ZNF676: variants seen among roughly 807,000 people sequenced by gnomAD.
ZNF676 encodes the protein zinc finger protein 676.
ZNF676 carries 4 observed loss-of-function variants against 6.0 expected under a neutral mutation model. The ratio of observed to expected loss-of-function variants is 0.67; its 90% CI spans 0.33 to 1.53. The LOEUF is 1.53. Ranked by LOEUF, ZNF676 falls within the 40% of genes most tolerant of loss-of-function variation. The probability of loss-of-function intolerance (pLI) is 0.06; values close to 1 mark genes in which losing one functional copy is unlikely to be tolerated. For synonymous variants in ZNF676, 198 were observed against 223.1 expected (o/e 0.89, Z 1.00); for missense variants, 644 against 679.7 (o/e 0.95, Z 0.58).
the ZNF676 span, among the ~76,000 whole-genome samples, chr19:22,241,962 A>G: frequency 6.6e-6 from 1 of 151,108 alleles, no homozygotes; most frequent in Admixed American, 6.6e-5. Context: ...ACACAAGATA[A>G]ACAGTCTCGT....
At chr19:22,246,267 A>T in the ZNF676 span, among the ~76,000 whole-genome samples, 5 of 152,126 alleles carry the variant, frequency 3.3e-5, no homozygotes, top group African/African-American at 1.2e-4. Flanking sequence ...ATTTGTCACA[A>T]TACACAATTT....
At chr19:22,201,996 CTGACTT>C (rs1402509643) in intron 1 of ZNF676, among the ~76,000 whole-genome samples, 1 of 152,086 alleles carries the variant, frequency 6.6e-6, no homozygotes, top group African/African-American at 2.4e-5. Context: ...TAATGGCTCT[CTGACTT>C]TGATAACTAA....
intron 1 of ZNF676, among the ~76,000 whole-genome samples, chr19:22,209,051 A>T (rs2144814891): frequency 6.6e-6 from 1 of 152,220 alleles, no homozygotes; most frequent in East Asian, 1.9e-4. Flanking sequence ...GATCACCTGA[A>T]GTCAGGAGTT....
upstream of ZNF676, among the ~76,000 whole-genome samples, chr19:22,220,468 T>TG (rs149805559): frequency 0.37 from 54,952 of 147,804 alleles, 10,367 homozygotes; most frequent in South Asian, 0.42. Flanking sequence ...GCAGTTTTTT[T>TG]TTTTTTTTTT....
In ZNF676 at chr19:22,215,768, G is replaced by A; in HGVS notation, c.-134C>T. On this transcript the variant is annotated 5_prime_UTR_variant, in exon 1 of 4. Coordinates refer to the ZNF676 transcript ENST00000650058. ...ACCTCCGGCTGCAGCGAGAGACAAA[G>A]GACCGACCACATCCCGGAAGCCGAC... 5.2e-6 allele frequency: 6 copies of A among 1,160,050 alleles called. No individual in the cohort carries two copies. In the South Asian group the frequency reaches 5.9e-5, roughly 11 times the overall value. The allele number at this position is 1,160,050 out of a possible 1,614,324, so 71.9% of individuals were successfully genotyped here. A position where few individuals can be genotyped will look rare whatever the true frequency, so the allele number is the denominator to read the frequency against.
upstream of ZNF676, among the ~76,000 whole-genome samples, chr19:22,216,404 C>A (rs555819571): frequency 2.2e-4 from 34 of 152,146 alleles, no homozygotes; most frequent in Admixed American, 1.8e-3. Flanking sequence ...CATTGCACTG[C>A]GGCCTGGGCA....
intron 2 of ZNF676, among the ~76,000 whole-genome samples, chr19:22,183,820 CAT>C (rs1336662260): frequency 6.6e-6 from 1 of 152,114 alleles, no homozygotes; most frequent in Admixed American, 6.5e-5. Flanking sequence ...GTCAAAGACT[CAT>C]ATTTTATAAA....
At chr19:22,200,001 T>A (rs2024007962), upstream of ZNF676, among the ~76,000 whole-genome samples, 1 of 152,018 alleles carries the variant, frequency 6.6e-6, no homozygotes, top group Admixed American at 6.6e-5. Flanking sequence ...GAGGCAAGAC[T>A]CCAGGGTAGG....
At chr19:22,240,067 T>C in the ZNF676 span, among the ~76,000 whole-genome samples, 2 of 152,208 alleles carry the variant, frequency 1.3e-5, no homozygotes, top group African/African-American at 2.4e-5. Context: ...GGGCAGGGCC[T>C]AGGCATGAGA....
the ZNF676 span, among the ~76,000 whole-genome samples, chr19:22,226,457 G>A: frequency 3.3e-5 from 5 of 151,948 alleles, no homozygotes; most frequent in South Asian, 2.1e-4. Flanking sequence ...TAGAAATTAC[G>A]TCAAATTTGT....
intron 2 of ZNF676, among the ~76,000 whole-genome samples, chr19:22,183,088 G>A (rs1389593523): frequency 6.6e-6 from 1 of 151,738 alleles, no homozygotes; most frequent in Non-Finnish European, 1.5e-5. Context: ...TATTTTTAGA[G>A]GTTTTATGTA....
At chr19:22,185,885 A>G (rs564874717) in intron 2 of ZNF676, among the ~76,000 whole-genome samples, 1 of 152,190 alleles carries the variant, frequency 6.6e-6, no homozygotes, top group African/African-American at 2.4e-5. Flanking sequence ...GGACTATGAA[A>G]GGACCAAATC....
At chr19:22,236,650 C>A in the ZNF676 span, among the ~76,000 whole-genome samples, 4 of 152,172 alleles carry the variant, frequency 2.6e-5, no homozygotes, top group African/African-American at 9.7e-5. Flanking sequence ...TGTAAACTGG[C>A]TCAAGTCTGG....
the ZNF676 span, chr19:22,245,199 C>T: frequency 6.6e-6 from 1 of 152,166 alleles, no homozygotes. Flanking sequence ...ACAGATGTGT[C>T]ACTATTTTCC....
chr19:22,255,318 C>T, the ZNF676 span, among the ~76,000 whole-genome samples: 2 of 152,092 alleles, frequency 1.3e-5, no homozygotes, highest in African/African-American at 2.4e-5. Context: ...TGTCAGGGTG[C>T]GCACAGGAGT....
the ZNF676 span, among the ~76,000 whole-genome samples, chr19:22,240,039 T>C: frequency 5.2e-3 from 791 of 152,252 alleles, 2 homozygotes; most frequent in African/African-American, 0.017. Flanking sequence ...CCCAGATATA[T>C]GTCATAATCA....
At position 22,179,491 on chromosome 19, in the gene ZNF676, T is replaced by C. The variant is rs528217908; in HGVS notation, c.*459A>G. On this transcript the variant is annotated 3_prime_UTR_variant, in exon 3 of 3. Coordinates refer to ENST00000397121, the MANE Select transcript of ZNF676 (RefSeq NM_001001411.3). Reference sequence around the variant, plus strand: ...GAATTACATGAATGTTTAGTAAGGATTGAGGAACAGCTAAAAGGCTTGCCA... The same window carrying C: ...GAATTACATGAATGTTTAGTAAGGACTGAGGAACAGCTAAAAGGCTTGCCA... 4.7e-5 allele frequency: 19 copies of C among 408,118 alleles called. No individual in the cohort carries two copies. The highest frequency in any genetic ancestry group is 2.1e-4 in the African/African-American group (10 of 48,366). 25.3% of individuals were successfully genotyped at this position (408,118 alleles called of 1,614,324 possible).
chr19:22,236,781 T>G, the ZNF676 span, among the ~76,000 whole-genome samples: 2 of 152,192 alleles, frequency 1.3e-5, no homozygotes, highest in African/African-American at 4.8e-5. Flanking sequence ...TCCTATCAAT[T>G]TTACTTCTAA....
the ZNF676 span, among the ~76,000 whole-genome samples, chr19:22,252,700 TGTCACAATGGCCCATGTGGGCA>T: frequency 5.5e-3 from 840 of 152,272 alleles, 7 homozygotes; most frequent in African/African-American, 0.019. Context: ...CTCAGCAATA[TGTCACAATGGCCCATGTGGGCA>T]AAACACAGGC....
Sources: gnomAD v4.1 joint callset for allele counts (sites outside exome capture counted in the v4.1 genomes callset) on GRCh38, gnomAD v4.1.1 for gene constraint, MANE v1.5 for transcripts, NCBI Gene and HGNC (gene_info 2026-07-23, HGNC 2026-07-21) for gene names.